LRRC4C: variants seen among roughly 807,000 people sequenced by gnomAD.
The protein encoded by LRRC4C is leucine-rich repeat-containing protein 4C.
In LRRC4C, 5 loss-of-function variants were observed where a neutral mutation model predicts 33.6. That is an observed-to-expected ratio of 0.15 (90% CI 0.08 to 0.31). The LOEUF (loss-of-function observed/expected upper bound fraction) is 0.31. Ranked by LOEUF, LRRC4C falls within the 10% of genes least tolerant of loss-of-function variation. LRRC4C has a pLI of 1.00. For missense variants in LRRC4C, 560 were observed against 796.7 expected, an observed-to-expected ratio of 0.70 and a Z score of 3.58; for synonymous variants, 329 against 302.0, an observed-to-expected ratio of 1.09 and a Z score of -0.93.
chr11:41,439,902 TC>T (rs1477147226), intron 1 of LRRC4C, among the ~76,000 whole-genome samples: 1 of 152,218 alleles, frequency 6.6e-6, no homozygotes, highest in African/African-American at 2.4e-5. Flanking sequence ...ATATTAGTCC[TC>T]TGTTGGATGC....
At chr11:41,082,274 G>C (rs1428137760) in intron 1 of LRRC4C, among the ~76,000 whole-genome samples, 1 of 152,164 alleles carries the variant, frequency 6.6e-6, no homozygotes, top group Non-Finnish European at 1.5e-5. Context: ...GGGTCAGACT[G>C]TTCTCCTGCT....
At chr11:40,806,279 A>G (rs1258201090) in intron 2 of LRRC4C, among the ~76,000 whole-genome samples, 1 of 152,198 alleles carries the variant, frequency 6.6e-6, no homozygotes, top group African/African-American at 2.4e-5. Flanking sequence ...GAGAGACAGA[A>G]GAGCTAGGGT....
chr11:40,448,934 C>T (rs1402362252), intron 3 of LRRC4C, among the ~76,000 whole-genome samples: 1 of 152,128 alleles, frequency 6.6e-6, no homozygotes, highest in Non-Finnish European at 1.5e-5. Flanking sequence ...TTTTAATGAT[C>T]GCCATTCTAA....
At chr11:41,107,711 G>A (rs1333228283) in intron 1 of LRRC4C, among the ~76,000 whole-genome samples, 1 of 152,142 alleles carries the variant, frequency 6.6e-6, no homozygotes, top group Non-Finnish European at 1.5e-5. Flanking sequence ...GCCGAAGCAG[G>A]CAGATCACCT....
At chr11:40,358,739 G>A (rs1170264532) in intron 3 of LRRC4C, among the ~76,000 whole-genome samples, 1 of 152,046 alleles carries the variant, frequency 6.6e-6, no homozygotes, top group Non-Finnish European at 1.5e-5. Flanking sequence ...GCATTTTTCT[G>A]ATTCCACATG....
At chr11:40,621,903 A>C (rs1962492657) in intron 3 of LRRC4C, among the ~76,000 whole-genome samples, 1 of 151,872 alleles carries the variant, frequency 6.6e-6, no homozygotes. Context: ...ATAATGATTC[A>C]GAAAAACTGA....
At chr11:41,107,532 G>A (rs1225260030) in intron 1 of LRRC4C, among the ~76,000 whole-genome samples, 1 of 151,976 alleles carries the variant, frequency 6.6e-6, no homozygotes, top group Non-Finnish European at 1.5e-5. Context: ...AAATGAAGCA[G>A]AAACAAGAAA....
intron 5 of LRRC4C, among the ~76,000 whole-genome samples, chr11:40,155,427 GA>G (rs1176325783): frequency 2.6e-5 from 4 of 151,994 alleles, no homozygotes; most frequent in Non-Finnish European, 5.9e-5. Context: ...CTGGTTCTTT[GA>G]AAAGATACAT....
At chr11:40,337,811 T>A (rs781081183) in intron 3 of LRRC4C, among the ~76,000 whole-genome samples, 16 of 152,154 alleles carry the variant, frequency 1.1e-4, no homozygotes, top group Non-Finnish European at 1.5e-5. Context: ...TTGATTATTT[T>A]TCCTGATCCT....
At chr11:41,160,176 T>C (rs1020832843) in intron 1 of LRRC4C, among the ~76,000 whole-genome samples, 3 of 152,046 alleles carry the variant, frequency 2.0e-5, no homozygotes, top group African/African-American at 7.2e-5. Context: ...TAAGAGTTGA[T>C]AACAATAACA....
intron 3 of LRRC4C, among the ~76,000 whole-genome samples, chr11:40,447,832 T>C (rs766002018): frequency 1.5e-4 from 23 of 152,160 alleles, no homozygotes; most frequent in Non-Finnish European, 3.1e-4. Context: ...TTTGTTTTGT[T>C]TTGAGACTGA....
chr11:41,269,690 G>T (rs1038398111), intron 1 of LRRC4C, among the ~76,000 whole-genome samples: 13 of 152,108 alleles, frequency 8.5e-5, no homozygotes, highest in Non-Finnish European at 1.9e-4. Flanking sequence ...AATCAAGGAA[G>T]AATGTAGACA....
At chr11:40,780,208 C>A (rs1230448101) in intron 2 of LRRC4C, among the ~76,000 whole-genome samples, 1 of 152,042 alleles carries the variant, frequency 6.6e-6, no homozygotes, top group Admixed American at 6.6e-5. Context: ...TAAAAAAATT[C>A]TTTTTAATGC....
intron 2 of LRRC4C, among the ~76,000 whole-genome samples, chr11:40,785,268 A>G (rs1056961354): frequency 3.3e-5 from 5 of 152,178 alleles, no homozygotes; most frequent in African/African-American, 1.2e-4. Context: ...CTGGGTGTGT[A>G]TTTCAGTCCC....
intron 3 of LRRC4C, among the ~76,000 whole-genome samples, chr11:40,563,896 G>T (rs1190922856): frequency 2.6e-5 from 4 of 152,156 alleles, no homozygotes; most frequent in African/African-American, 4.8e-5. Context: ...TAAGGCAACA[G>T]GAATTGCCCT....
chr11:40,707,279 G>C (rs1257330914), intron 2 of LRRC4C, among the ~76,000 whole-genome samples: 1 of 152,174 alleles, frequency 6.6e-6, no homozygotes, highest in Non-Finnish European at 1.5e-5. Context: ...GGGCATCCCT[G>C]TCTTGCACCA....
chr11:41,227,948 T>C (rs1590995762), intron 1 of LRRC4C, among the ~76,000 whole-genome samples: 1 of 152,112 alleles, frequency 6.6e-6, no homozygotes, highest in South Asian at 2.1e-4. Context: ...TACTTAACAG[T>C]TGATCAATAA....
At chr11:41,273,588 AAAGG>A (rs1363812053) in intron 1 of LRRC4C, among the ~76,000 whole-genome samples, 1 of 152,182 alleles carries the variant, frequency 6.6e-6, no homozygotes, top group Non-Finnish European at 1.5e-5. Context: ...TCCAGAGGCT[AAAGG>A]AAGGGGAAAA....
intron 5 of LRRC4C, among the ~76,000 whole-genome samples, chr11:40,209,524 G>A (rs944136964): frequency 1.3e-5 from 2 of 152,010 alleles, no homozygotes; most frequent in Non-Finnish European, 1.5e-5. Flanking sequence ...TTGATGGGAC[G>A]TTTGATCATC....
Sources: gnomAD v4.1 joint callset for allele counts (sites outside exome capture counted in the v4.1 genomes callset) on GRCh38, gnomAD v4.1.1 for gene constraint, MANE v1.5 for transcripts, NCBI Gene and HGNC (gene_info 2026-07-23, HGNC 2026-07-21) for gene names.